The following LAS1L variants were observed in gnomAD, a reference collection of about 807,000 sequenced individuals.
The protein encoded by LAS1L is LAS1 like ribosome biogenesis factor, also known as ribosomal biogenesis protein LAS1L.
LAS1L carries 5 observed loss-of-function variants against 57.3 expected under a neutral mutation model. The ratio of observed to expected loss-of-function variants is 0.09; its 90% CI spans 0.05 to 0.18. The LOEUF (loss-of-function observed/expected upper bound fraction) is 0.18, where lower values mean the gene tolerates loss of function less well. Among genes scored for constraint, LAS1L ranks in the 10% least tolerant of loss-of-function variants. The pLI, the probability that LAS1L is intolerant of heterozygous loss-of-function variation, is 1.00. For synonymous variants in LAS1L, 245 were observed against 231.7 expected, an observed-to-expected ratio of 1.06 and a Z score of -0.52; for missense variants, 360 against 568.3, an observed-to-expected ratio of 0.63 and a Z score of 3.73.
chrX:65,532,513 G>A, intron 3 of LAS1L, 48 bp downstream of exon 3: 1 of 981,459 alleles, frequency 1.0e-6, no homozygotes, highest in South Asian at 1.9e-5. Flanking sequence ...CCCATTTGGT[G>A]AGCCCTCTTG....
In LAS1L at chrX:65,518,475, G is replaced by C; in HGVS notation, c.1449-10C>G. The C allele has an allele frequency of 8.5e-7, 1 of 1,182,870 alleles. No homozygotes were observed. The highest frequency in any genetic ancestry group is 1.1e-6 in the Non-Finnish European group (1 of 882,722). On this transcript the variant is annotated splice_polypyrimidine_tract_variant and intron_variant, in intron 11 of 13. Coordinates refer to ENST00000374811, the MANE Select transcript of LAS1L (RefSeq NM_031206.7). ...CATGGCTTTGAAGATGCTGAGCAAAGGGAGGGATGGGGTAGGAAAGATTCA... is the reference window on the plus strand; with the variant it reads ...CATGGCTTTGAAGATGCTGAGCAAACGGAGGGATGGGGTAGGAAAGATTCA...
At chrX:65,517,600 C>T (rs1456615546) in intron 12 of LAS1L, among the ~76,000 whole-genome samples, 1 of 111,770 alleles carries the variant, frequency 8.9e-6, no homozygotes, top group African/African-American at 3.3e-5. Context: ...GTCTCACCAC[C>T]AGCCAGCCTC....
intron 12 of LAS1L, among the ~76,000 whole-genome samples, chrX:65,516,230 C>T (rs1200812482): frequency 1.8e-5 from 2 of 111,516 alleles, no homozygotes; most frequent in East Asian, 5.6e-4. Context: ...GGCTCTCTTA[C>T]TGGAAGTTGT....
At position 65,529,820 on chromosome X, in the gene LAS1L, G is replaced by A. The variant is rs766349435; in HGVS notation, c.573C>T (p.Asn191=). 1 of 1,211,459 alleles carries A rather than the reference G, an allele frequency of 8.3e-7. No individual in the cohort carries two copies. The highest frequency in any genetic ancestry group is 1.8e-5 in the South Asian group (1 of 56,962). The part of the protein sequence containing the change: ...QKTYWCRQLE[N]SLRETWELEE... ...CCAACTCCCAGGTCTCTCTCAGGCT[G>A]TTCTCCAGTTGGCGGCACCAATAGG... Residue 191 remains asparagine (N), a synonymous_variant, in exon 5 of 14, where the codon AAC becomes AAT. Transcript: ENST00000374811.
In LAS1L at chrX:65,518,272, A is replaced by T. The variant is rs1328649528; in HGVS notation, c.1642T>A (p.Ser548Thr). Residue 548 changes from serine (S) to threonine (T), a missense_variant, in exon 12 of 14, where the codon TCT becomes ACT. By Grantham distance (58) the Ser-to-Thr change is moderately conservative. Around this residue, in one of 7 missense-constraint regions of LAS1L, gnomAD observed 123 missense variants for 168.3 expected, o/e 0.73. Coordinates refer to ENST00000374811, the MANE Select transcript of LAS1L (RefSeq NM_031206.7). ...TCCTGTTGCTGGGCCTTTGCTTCAG[A>T]CCCGAAGCTGGAGCTGGCTGGCTTG... ...SVKPASSSFG[S>T]EAKAQQQEEQ... 2 of 1,211,441 alleles carry T rather than the reference A, an allele frequency of 1.7e-6. No individual in the cohort carries two copies. Among genetic ancestry groups the T allele is most frequent in the Non-Finnish European group, 2.2e-6 (2 of 895,438 alleles).
rs1311258423 is a variant in LAS1L at position 65,531,224 on chromosome X, G to A, written c.514+133C>T. On this transcript the variant is annotated intron_variant, in intron 4 of 13. Transcript: ENST00000374811. ...ACTTTAAATGTTGTGCCCAAGGCGA[G>A]GCCTCACTTCTTTCACCCTAGTCCC... 3 of 382,390 alleles carry A rather than the reference G, an allele frequency of 7.8e-6. No homozygotes were observed. The East Asian group carries it at 1.2e-4, about 15-fold the overall frequency. The allele number at this position is 382,390 out of a possible 1,213,427, so 31.5% of individuals were successfully genotyped here. A position where few individuals can be genotyped will look rare whatever the true frequency, so the allele number is the denominator to read the frequency against.
chrX:65,534,528 T>C lies in LAS1L; in HGVS notation c.188A>G (p.His63Arg). 1 of 1,209,443 alleles carries C rather than the reference T, an allele frequency of 8.3e-7. No homozygotes were observed. The highest frequency in any genetic ancestry group is 1.1e-6 in the Non-Finnish European group (1 of 894,303). The part of the protein sequence containing the change: ...QVTVYLFCDD[H>R]KLQRYALNRI... The stretch of plus-strand genomic sequence containing the variant: ...GTTAAGCGCGTACCGCTGCAACTTA[T>C]GGTCGTCACAGAACAGATAAACCGT... The change falls in exon 1 of 14, where the codon CAT becomes CGT. Residue 63 changes from histidine to arginine, a missense_variant. Around this residue, in one of 7 missense-constraint regions of LAS1L, gnomAD observed 25 missense variants for 38.2 expected, o/e 0.65. Transcript: ENST00000374811.
intron 3 of LAS1L, among the ~76,000 whole-genome samples, chrX:65,532,250 C>T (rs535253359): frequency 2.7e-5 from 3 of 112,652 alleles, no homozygotes; most frequent in East Asian, 5.6e-4. Flanking sequence ...TGAGCTGTCT[C>T]CTCTCTCAGA....
chrX:65,515,112 C>T (rs1044873947), intron 12 of LAS1L, 139 bp from the exon 13 acceptor site: 11 of 516,830 alleles, frequency 2.1e-5, no homozygotes, highest in African/African-American at 9.7e-5. Context: ...TCACTGCTCT[C>T]GGTATCACTT....
At chrX:65,523,521 G>T in intron 11 of LAS1L, 39 bp downstream of exon 11, 1 of 1,129,879 alleles carries the variant, frequency 8.9e-7, no homozygotes, top group Non-Finnish European at 1.2e-6. Flanking sequence ...AGGCTTGAAG[G>T]GCCTCACCCT....
chrX:65,531,381 G>A lies in LAS1L; in HGVS notation c.490C>T (p.Pro164Ser). The A allele has an allele frequency of 8.3e-7, 1 of 1,207,795 alleles. No individual in the cohort carries two copies. Among genetic ancestry groups the A allele is most frequent in the Non-Finnish European group, 1.1e-6 (1 of 892,058 alleles). The change falls in exon 4 of 14, where the codon CCC becomes TCC. Residue 164 changes from proline (P) to serine (S), a missense_variant. Coordinates refer to ENST00000374811, the MANE Select transcript of LAS1L (RefSeq NM_031206.7). ...LRHELTHKKM[P>S]HINDCRRGCY... ...CCTCTGCGGCAGTCATTTATATGGG[G>A]CATTTTCTTGTGGGTCAACTCATGG...
Position 65,518,303 on chromosome X carries a change from C to G in LAS1L, c.1611G>C (p.Trp537Cys). Residue 537 changes from tryptophan to cysteine, a missense_variant, in exon 12 of 14, where the codon TGG (tryptophan) becomes TGC (cysteine). Trp to Cys is a radical substitution (Grantham distance 215). Coordinates refer to ENST00000374811, the MANE Select transcript of LAS1L (RefSeq NM_031206.7). Reference sequence around the variant, plus strand: ...AGCTGGAGCTGGCTGGCTTGACGCTCCAATACAGGCTGTCTAGTGTATATG... The same window carrying G: ...AGCTGGAGCTGGCTGGCTTGACGCTGCAATACAGGCTGTCTAGTGTATATG... ...KSPYTLDSLY[W>C]SVKPASSSFG... 8.2e-7 allele frequency: 1 copy of G among 1,212,180 alleles called. No homozygotes were observed. The highest frequency in any genetic ancestry group is 1.8e-5 in the South Asian group (1 of 57,015).
chrX:65,512,987 T>C (rs1275381527), intron 13 of LAS1L, 86 bp from the exon 14 acceptor site: 3 of 931,901 alleles, frequency 3.2e-6, no homozygotes, highest in Non-Finnish European at 4.3e-6. Context: ...TGTGTATCTG[T>C]GGGATGGGCC....
intron 11 of LAS1L, chrX:65,518,710 T>C (rs1361353224): frequency 1.9e-6 from 1 of 533,063 alleles, no homozygotes; most frequent in Non-Finnish European, 2.3e-6. Context: ...ATGTATAGGA[T>C]TGTTGGGAGG....
chrX:65,528,242 G>A lies in LAS1L; in HGVS notation c.956+18C>T, dbSNP rs200319603. 40 of 1,054,358 alleles carry A rather than the reference G, an allele frequency of 3.8e-5. No individual in the cohort carries two copies. Among genetic ancestry groups the A allele is most frequent in the Non-Finnish European group, 5.0e-5 (38 of 759,615 alleles). The allele number at this position is 1,054,358 out of a possible 1,213,427, so 86.9% of individuals were successfully genotyped here. A position where few individuals can be genotyped will look rare whatever the true frequency, so the allele number is the denominator to read the frequency against. Reference sequence around the variant, plus strand: ...CTATCCTAGAGAATACGCAGCTCCCGGTTACCTAGTTACACACCTGTTCTC... The same window carrying A: ...CTATCCTAGAGAATACGCAGCTCCCAGTTACCTAGTTACACACCTGTTCTC... On this transcript the variant is annotated intron_variant, in intron 7 of 13. Transcript: ENST00000374811.
chrX:65,526,188 A>ACAGGATACAGAAG (rs1337215484), intron 7 of LAS1L, among the ~76,000 whole-genome samples: 1 of 112,000 alleles, frequency 8.9e-6, no homozygotes, highest in Non-Finnish European at 1.9e-5. Context: ...TGCTTCTCAT[A>ACAGGATACAGAAG]CAGGATACAG....
intron 11 of LAS1L, chrX:65,520,783 CT>C: frequency 2.7e-6 from 2 of 754,387 alleles, no homozygotes; most frequent in Non-Finnish European, 3.1e-6. Context: ...GTGGTCCAGA[CT>C]TCTCCGAGAC....
chrX:65,514,201 A>C (rs1487451432), intron 13 of LAS1L, among the ~76,000 whole-genome samples: 2 of 111,563 alleles, frequency 1.8e-5, no homozygotes, highest in African/African-American at 6.5e-5. Flanking sequence ...TTGTGTTACT[A>C]GCATAGCCCC....
At chrX:65,533,764 A>G (rs201992109) in intron 1 of LAS1L, 29 bp from the exon 2 acceptor site, 125 of 1,205,075 alleles carry the variant, frequency 1.0e-4, no homozygotes, top group Non-Finnish European at 1.3e-4. Context: ...GCACCATCAT[A>G]AAGAGCCCTT....
Sources: gnomAD v4.1 joint callset for allele counts (sites outside exome capture counted in the v4.1 genomes callset) on GRCh38, gnomAD v4.1.1 for gene constraint, gnomAD v4.1.1 regional missense constraint, MANE v1.5 for transcripts, NCBI Gene and HGNC (gene_info 2026-07-23, HGNC 2026-07-21) for gene names.